The following LINGO1 variants were observed in gnomAD, a reference collection of about 807,000 sequenced individuals.
LINGO1 encodes leucine-rich repeat and immunoglobulin-like domain-containing nogo receptor-interacting protein 1.
LINGO1 carries 11 observed loss-of-function variants against 37.3 expected under a neutral mutation model. The observed-to-expected ratio is 0.29, with a 90% confidence interval of 0.19 to 0.49. The LOEUF is 0.49. Ranked by LOEUF, LINGO1 falls within the 20% of genes least tolerant of loss-of-function variation. LINGO1 has a pLI of 0.99. For synonymous variants in LINGO1, 387 were observed against 403.0 expected (o/e 0.96, Z 0.48); for missense variants, 585 against 878.2 (o/e 0.67, Z 4.22).
chr15:77,756,088 T>G (rs1342588611), intron 1 of LINGO1, among the ~76,000 whole-genome samples: 2 of 152,104 alleles, frequency 1.3e-5, no homozygotes, highest in Non-Finnish European at 2.9e-5. Flanking sequence ...CTGGAGAGGC[T>G]AGAGAGCCTC....
chr15:77,756,721 T>C (rs1338530294), intron 1 of LINGO1, among the ~76,000 whole-genome samples: 1 of 152,244 alleles, frequency 6.6e-6, no homozygotes, highest in East Asian at 1.9e-4. Flanking sequence ...ACATGCTAAC[T>C]TGAAAGACAA....
At chr15:77,696,824 G>A (rs1178353957), upstream of LINGO1, among the ~76,000 whole-genome samples, 2 of 152,232 alleles carry the variant, frequency 1.3e-5, no homozygotes, top group Non-Finnish European at 2.9e-5. Context: ...TCAGGACTGG[G>A]TACCGGGGCC....
chr15:77,655,502 C>T (rs933451725), intron 3 of LINGO1, among the ~76,000 whole-genome samples: 1 of 152,172 alleles, frequency 6.6e-6, no homozygotes, highest in Non-Finnish European at 1.5e-5. Context: ...ATCAGTACCA[C>T]ATCCGTTTGC....
At chr15:77,670,210 G>T (rs563927926) in intron 3 of LINGO1, among the ~76,000 whole-genome samples, 21 of 152,286 alleles carry the variant, frequency 1.4e-4, no homozygotes, top group African/African-American at 5.1e-4. Context: ...GAGAATGGCG[G>T]GTAACTGCTA....
At chr15:77,731,595 G>A (rs1415236364) in intron 2 of LINGO1, among the ~76,000 whole-genome samples, 1 of 152,172 alleles carries the variant, frequency 6.6e-6, no homozygotes, top group Non-Finnish European at 1.5e-5. Context: ...TGTTCCATGT[G>A]TGAAGAGCCT....
At chr15:77,801,255 G>A (rs970570783) in intron 1 of LINGO1, among the ~76,000 whole-genome samples, 1 of 152,146 alleles carries the variant, frequency 6.6e-6, no homozygotes, top group African/African-American at 2.4e-5. Context: ...AAAAGAAATT[G>A]GAAATGGCCT....
At chr15:77,761,653 C>A (rs1596199873) in intron 1 of LINGO1, among the ~76,000 whole-genome samples, 1 of 152,210 alleles carries the variant, frequency 6.6e-6, no homozygotes, top group East Asian at 1.9e-4. Flanking sequence ...ACTAAGTGCT[C>A]AAAGGAGAGA....
intron 2 of LINGO1, among the ~76,000 whole-genome samples, chr15:77,792,196 G>C (rs1365263310): frequency 6.6e-6 from 1 of 152,166 alleles, no homozygotes. Context: ...TCGGGCCAAG[G>C]CTCCAGTGCC....
intron 3 of LINGO1, among the ~76,000 whole-genome samples, chr15:77,642,209 C>CATT (rs1405368635): frequency 6.6e-6 from 1 of 152,158 alleles, no homozygotes; most frequent in Non-Finnish European, 1.5e-5. Context: ...GACCTGAGTC[C>CATT]AGGACAGCAG....
At chr15:77,754,675 G>A (rs2076403149) in intron 1 of LINGO1, among the ~76,000 whole-genome samples, 1 of 152,252 alleles carries the variant, frequency 6.6e-6, no homozygotes, top group Non-Finnish European at 1.5e-5. Context: ...AGAAGGAAGA[G>A]CCTGCAGAGT....
At chr15:77,754,995 G>A (rs1265981456) in intron 1 of LINGO1, among the ~76,000 whole-genome samples, 2 of 152,236 alleles carry the variant, frequency 1.3e-5, no homozygotes, top group Non-Finnish European at 2.9e-5. Context: ...TCTGGGGGCT[G>A]TGCACACAAA....
chr15:77,745,125 T>TAAA (rs74707319), intron 1 of LINGO1, among the ~76,000 whole-genome samples: 10 of 91,050 alleles, frequency 1.1e-4, no homozygotes, highest in Non-Finnish European at 1.7e-4. Context: ...GACTCTGTCT[T>TAAA]AAAAAAAAAA....
chr15:77,644,818 G>C (rs540462095), intron 3 of LINGO1, among the ~76,000 whole-genome samples: 1 of 152,182 alleles, frequency 6.6e-6, no homozygotes, highest in South Asian at 2.1e-4. Flanking sequence ...CCAGCGGCCA[G>C]GCCTGGCCCT....
At chr15:77,788,693 T>G (rs776578758), upstream of LINGO1, 1 of 152,250 alleles carries the variant, frequency 6.6e-6, no homozygotes, top group Non-Finnish European at 1.5e-5. Context: ...CACCTTCTTA[T>G]TCATTCTCTC....
intron 1 of LINGO1, among the ~76,000 whole-genome samples, chr15:77,759,057 G>A (rs1006852657): frequency 1.3e-5 from 2 of 152,106 alleles, no homozygotes; most frequent in African/African-American, 4.8e-5. Context: ...GTAAAATCAG[G>A]GCTTTCTCTG....
intron 1 of LINGO1, among the ~76,000 whole-genome samples, chr15:77,619,702 T>TAAATAAAATAAAATAAAATA (rs138166574): frequency 2.0e-5 from 3 of 147,002 alleles, no homozygotes; most frequent in African/African-American, 7.6e-5. Context: ...AAACAATAAA[T>TAAATAAAATAAAATAAAATA]AAATAAAATA....
At position 77,615,381 on chromosome 15, in the gene LINGO1, C is replaced by G; in HGVS notation, c.526G>C (p.Asp176His). 6.2e-7 allele frequency: 1 copy of G among 1,613,970 alleles called. No individual in the cohort carries two copies. Among genetic ancestry groups the G allele is most frequent in the Non-Finnish European group, 8.5e-7 (1 of 1,179,898 alleles). ...TGAGAGATGTAGACGAGGTCATTGT[C>G]GCCAACCTCCAGTGACTTGAGGTTG... is the stretch of plus-strand genomic sequence containing the variant. Reference protein sequence around the residue: ...LYNLKSLEVGDNDLVYISHRA... With the variant: ...LYNLKSLEVGHNDLVYISHRA... Residue 176 changes from aspartate (D) to histidine (H), a missense_variant, in exon 2 of 2, where the codon GAC (aspartate) becomes CAC (histidine). Asp to His is a moderately conservative substitution (Grantham distance 81). Coordinates refer to ENST00000355300, the MANE Select transcript of LINGO1 (RefSeq NM_032808.7).
In LINGO1 at chr15:77,774,310, A is replaced by G. The variant is rs548535540; in HGVS notation, c.-257+12559T>C. ...AGATACCCACTTGGTCCCCAGCCAG[A>G]CTCTGCCAACAGCCCTCAGCCCTCT... On this transcript the variant is annotated intron_variant, in intron 1 of 3. Transcript: ENST00000561686. Among the ~76,000 whole-genome samples, 78 of 151,622 alleles carry G rather than the reference A, an allele frequency of 5.1e-4. 1 individual carries two copies. The highest frequency in any genetic ancestry group is 6.8e-3 in the Middle Eastern group (2 of 294).
At chr15:77,796,400 C>G (rs1469938553) in intron 1 of LINGO1, among the ~76,000 whole-genome samples, 2 of 152,252 alleles carry the variant, frequency 1.3e-5, no homozygotes, top group Non-Finnish European at 2.9e-5. Context: ...TGGAGTCTGA[C>G]TATGCCTCTC....
Sources: gnomAD v4.1 joint callset for allele counts (sites outside exome capture counted in the v4.1 genomes callset) on GRCh38, gnomAD v4.1.1 for gene constraint, MANE v1.5 for transcripts, NCBI Gene and HGNC (gene_info 2026-07-23, HGNC 2026-07-21) for gene names.